Variants in INPP5A observed in about 807,000 individuals in gnomAD.
INPP5A encodes inositol polyphosphate-5-phosphatase A.
Under a neutral mutation model 65.2 loss-of-function variants are expected in INPP5A, and 14 were observed. The observed-to-expected ratio is 0.21, with a 90% confidence interval of 0.14 to 0.34. INPP5A has a LOEUF of 0.34. Ranked by LOEUF, INPP5A falls within the 10% of genes least tolerant of loss-of-function variation. The pLI, the probability that INPP5A is intolerant of heterozygous loss-of-function variation, is 1.00. For synonymous variants in INPP5A, 207 were observed against 208.3 expected, an observed-to-expected ratio of 0.99 and a Z score of 0.05; for missense variants, 431 against 545.6, an observed-to-expected ratio of 0.79 and a Z score of 2.09.
intron 9 of INPP5A, among the ~76,000 whole-genome samples, chr10:132,746,988 C>G (rs1390130026): frequency 6.6e-6 from 1 of 152,222 alleles, no homozygotes; most frequent in Admixed American, 6.5e-5. Flanking sequence ...CCTTCCTGGG[C>G]TCTGGGGTCC....
intron 13 of INPP5A, among the ~76,000 whole-genome samples, chr10:132,779,522 C>G (rs1565016404): frequency 6.6e-6 from 1 of 152,280 alleles, no homozygotes; most frequent in Non-Finnish European, 1.5e-5. Flanking sequence ...CAGCTCAGAG[C>G]AGGGCAGCGT....
intron 5 of INPP5A, among the ~76,000 whole-genome samples, chr10:132,694,639 C>T (rs948360090): frequency 6.6e-5 from 10 of 151,918 alleles, no homozygotes; most frequent in African/African-American, 1.9e-4. Context: ...TCAATAAAAT[C>T]GATAAACCTC....
intron 12 of INPP5A, among the ~76,000 whole-genome samples, chr10:132,775,278 T>A (rs1328844867): frequency 6.6e-6 from 1 of 151,832 alleles, no homozygotes; most frequent in Non-Finnish European, 1.5e-5. Flanking sequence ...TTGTTCGCCC[T>A]ATCACAGCCG....
At chr10:132,712,438 TGTGG>T (rs1393407438) in intron 8 of INPP5A, among the ~76,000 whole-genome samples, 3 of 151,264 alleles carry the variant, frequency 2.0e-5, no homozygotes, top group African/African-American at 7.3e-5. Flanking sequence ...TGCACGCGTG[TGTGG>T]GTGTGTGTGG....
intron 4 of INPP5A, among the ~76,000 whole-genome samples, chr10:132,658,828 C>T (rs1003849622): frequency 1.3e-5 from 2 of 152,100 alleles, no homozygotes; most frequent in African/African-American, 2.4e-5. Context: ...CCAAGACCGC[C>T]GAGACTGCCA....
At chr10:132,602,395 G>A (rs2071787361) in intron 1 of INPP5A, among the ~76,000 whole-genome samples, 1 of 152,042 alleles carries the variant, frequency 6.6e-6, no homozygotes, top group African/African-American at 2.4e-5. Flanking sequence ...TCTGGATTCG[G>A]GTGATTCTCC....
chr10:132,649,665 C>T (rs1471749961), intron 3 of INPP5A, among the ~76,000 whole-genome samples: 15 of 152,086 alleles, frequency 9.9e-5, no homozygotes, highest in Non-Finnish European at 2.9e-5. Context: ...TGCTGGTCTC[C>T]TCTCTCCCCA....
chr10:132,588,544 A>G (rs2133309822), intron 1 of INPP5A, among the ~76,000 whole-genome samples: 1 of 152,386 alleles, frequency 6.6e-6, no homozygotes, highest in East Asian at 1.9e-4. Flanking sequence ...GGGATAAGCG[A>G]GTCGTGCGGG....
At chr10:132,734,022 G>A (rs952144175) in intron 9 of INPP5A, among the ~76,000 whole-genome samples, 3 of 152,220 alleles carry the variant, frequency 2.0e-5, no homozygotes, top group East Asian at 3.9e-4. Flanking sequence ...CCCAGGCAGC[G>A]TCTCCTCACG....
intron 9 of INPP5A, among the ~76,000 whole-genome samples, chr10:132,731,977 C>T (rs1191532845): frequency 6.6e-6 from 1 of 152,198 alleles, no homozygotes; most frequent in Non-Finnish European, 1.5e-5. Flanking sequence ...GACACCATGT[C>T]CCCAACAGAC....
Position 132,710,411 on chromosome 10 carries a change from T to C in INPP5A, c.602T>C (p.Val201Ala). 1.9e-6 allele frequency: 3 copies of C among 1,614,100 alleles called. No individual in the cohort carries two copies. The highest frequency in any genetic ancestry group is 2.5e-6 in the Non-Finnish European group (3 of 1,180,030). The change falls in exon 8 of 16, where the codon GTG becomes GCG. Residue 201 changes from valine to alanine, a missense_variant. Val to Ala is a moderately conservative substitution (Grantham distance 64, BLOSUM62 0). Coordinates refer to ENST00000368594, the MANE Select transcript of INPP5A (RefSeq NM_005539.5). ...NLVAWETSPSVYSGIRHKALG... is the reference protein window; with the variant it reads ...NLVAWETSPSAYSGIRHKALG... ...GTCGCCTGGGAAACAAGCCCTTCCG[T>C]GTACTCGGGAATCCGGCACAAGGCA...
chr10:132,607,769 C>A, intron 1 of INPP5A, 146 bp from the exon 2 acceptor site: 1 of 773,124 alleles, frequency 1.3e-6, no homozygotes, highest in South Asian at 1.6e-5. Context: ...GGGGTTTCCC[C>A]GTGCGGGTGG....
intron 4 of INPP5A, among the ~76,000 whole-genome samples, chr10:132,657,916 A>G (rs2072680590): frequency 6.6e-6 from 1 of 152,200 alleles, no homozygotes; most frequent in Admixed American, 6.5e-5. Context: ...ATGCTCCCCT[A>G]AATCACGGGC....
intron 1 of INPP5A, among the ~76,000 whole-genome samples, chr10:132,542,427 G>T (rs889496645): frequency 6.6e-6 from 1 of 151,408 alleles, no homozygotes; most frequent in Non-Finnish European, 1.5e-5. Context: ...GCAGGCTGGC[G>T]TCTCTCTCTG....
intron 8 of INPP5A, among the ~76,000 whole-genome samples, chr10:132,714,024 C>T (rs1021918277): frequency 2.0e-5 from 3 of 152,202 alleles, no homozygotes; most frequent in Non-Finnish European, 2.9e-5. Flanking sequence ...TTGCAGGCAC[C>T]AAGCGTCTCG....
intron 11 of INPP5A, among the ~76,000 whole-genome samples, chr10:132,764,977 C>G (rs61860767): frequency 1.7e-3 from 95 of 54,800 alleles, no homozygotes; most frequent in Non-Finnish European, 1.9e-3. Context: ...AGTCCTGCTG[C>G]GGTGGGAGGG....
At chr10:132,710,651 G>A (rs895485469) in intron 8 of INPP5A, among the ~76,000 whole-genome samples, 195 bp downstream of exon 8, 1 of 151,644 alleles carries the variant, frequency 6.6e-6, no homozygotes, top group Non-Finnish European at 1.5e-5. Context: ...TGCTGGGCAG[G>A]TAGGTGTGAG....
intron 13 of INPP5A, among the ~76,000 whole-genome samples, chr10:132,778,861 TG>T (rs1261349868): frequency 6.6e-6 from 1 of 152,226 alleles, no homozygotes; most frequent in Non-Finnish European, 1.5e-5. Context: ...AGCAAACACC[TG>T]GGTACAGGTG....
rs2071401467 is a variant in INPP5A, at chr10:132,575,422, G to A, written c.76-32493G>A. The stretch of plus-strand genomic sequence containing the variant: ...GGATGGGAGGGGAGTACAGGCTGAG[G>A]CACCAGGCACCACAGGGGCCTGCAC... On this transcript the variant is annotated intron_variant, in intron 1 of 15. Coordinates refer to ENST00000368594, the MANE Select transcript of INPP5A (RefSeq NM_005539.5). This position sits in a 1 kb window ranked among gnomAD's most constrained non-coding sequence, Gnocchi z 5.4. Among the ~76,000 whole-genome samples, 1 of 152,120 alleles carries A rather than the reference G, an allele frequency of 6.6e-6. No homozygotes were observed. The highest frequency in any genetic ancestry group is 6.5e-5 in the Admixed American group (1 of 15,272).
Sources: gnomAD v4.1 joint callset for allele counts (sites outside exome capture counted in the v4.1 genomes callset) on GRCh38, gnomAD v4.1.1 for gene constraint, Gnocchi (gnomAD v3.1) non-coding constraint, MANE v1.5 for transcripts, NCBI Gene and HGNC (gene_info 2026-07-23, HGNC 2026-07-21) for gene names.